The following MEMO1 variants were observed in gnomAD, a reference collection of about 807,000 sequenced individuals.
MEMO1 encodes protein MEMO1.
In MEMO1, 6 loss-of-function variants were observed where a neutral mutation model predicts 45.2. The ratio of observed to expected loss-of-function variants is 0.13; its 90% CI spans 0.07 to 0.26. The LOEUF is 0.26. Among genes scored for constraint, MEMO1 ranks in the 10% least tolerant of loss-of-function variants. MEMO1 has a pLI of 1.00. For missense variants in MEMO1, 184 were observed against 370.5 expected (o/e 0.50, Z 4.13); for synonymous variants, 78 against 124.3 (o/e 0.63, Z 2.48).
intron 2 of MEMO1, among the ~76,000 whole-genome samples, chr2:31,966,059 A>AT (rs1668579034): frequency 6.6e-6 from 1 of 152,228 alleles, no homozygotes; most frequent in African/African-American, 2.4e-5. Flanking sequence ...TATTAAACAT[A>AT]TGTTTGCTAA....
At chr2:31,930,951 GC>G (rs1231722326) in intron 4 of MEMO1, among the ~76,000 whole-genome samples, 7 of 151,722 alleles carry the variant, frequency 4.6e-5, no homozygotes, top group South Asian at 2.1e-4. Context: ...TAGCCACCAG[GC>G]CCAGACTAAA....
At chr2:31,883,184 TCAAA>T (rs2147942437) in intron 8 of MEMO1, among the ~76,000 whole-genome samples, 198 bp downstream of exon 8, 1 of 152,232 alleles carries the variant, frequency 6.6e-6, no homozygotes, top group East Asian at 1.9e-4. Context: ...TTCTCATTAA[TCAAA>T]CAAAATTATG....
At chr2:32,007,838 C>T (rs1029223064) in intron 2 of MEMO1, among the ~76,000 whole-genome samples, 3 of 152,190 alleles carry the variant, frequency 2.0e-5, no homozygotes, top group Non-Finnish European at 4.4e-5. Context: ...GTTTACTTAT[C>T]TGTAGTTGCA....
chr2:31,923,550 G>T (rs17011697), intron 4 of MEMO1: 140,273 of 1,322,024 alleles, frequency 0.11, 7,946 homozygotes, highest in Middle Eastern at 0.19. Context: ...ATGACACTTT[G>T]TTTTAAATTA....
At chr2:31,887,186 T>C (rs1261147277) in intron 7 of MEMO1, among the ~76,000 whole-genome samples, 1 of 152,186 alleles carries the variant, frequency 6.6e-6, no homozygotes, top group Non-Finnish European at 1.5e-5. Context: ...GCTCCAGGGA[T>C]GTCTGTTTAA....
chr2:31,924,955 A>G (rs1682860475), intron 4 of MEMO1, among the ~76,000 whole-genome samples: 1 of 152,194 alleles, frequency 6.6e-6, no homozygotes, highest in Non-Finnish European at 1.5e-5. Flanking sequence ...TCCTTGCTTA[A>G]AGCCTTTTAT....
intron 2 of MEMO1, among the ~76,000 whole-genome samples, chr2:31,986,306 G>A (rs1348455153): frequency 6.6e-6 from 1 of 151,676 alleles, no homozygotes; most frequent in Non-Finnish European, 1.5e-5. Context: ...GGCTGAGACA[G>A]AATACAAACA....
At chr2:31,933,399 G>T (rs1213905194) in intron 3 of MEMO1, among the ~76,000 whole-genome samples, 1 of 112,548 alleles carries the variant, frequency 8.9e-6, no homozygotes, top group Non-Finnish European at 1.7e-5. Context: ...GGGAAGAGAG[G>T]GGAAAAAGAG....
chr2:32,005,388 C>A (rs972091461), intron 2 of MEMO1, among the ~76,000 whole-genome samples: 1 of 104,050 alleles, frequency 9.6e-6, no homozygotes, highest in Non-Finnish European at 2.0e-5. Flanking sequence ...AATTGGAAAA[C>A]AGACAAAATT....
chr2:31,978,889 T>C (rs1350523479), intron 2 of MEMO1, among the ~76,000 whole-genome samples: 2 of 152,222 alleles, frequency 1.3e-5, no homozygotes, highest in African/African-American at 4.8e-5. Context: ...CAAAATTTTT[T>C]TCATAAGGCA....
chr2:31,952,744 T>C (rs1374311739), intron 2 of MEMO1, among the ~76,000 whole-genome samples: 1 of 152,228 alleles, frequency 6.6e-6, no homozygotes, highest in Admixed American at 6.5e-5. Context: ...GCATGCTCAG[T>C]ACAGAAAATT....
intron 2 of MEMO1, among the ~76,000 whole-genome samples, chr2:31,997,688 A>G (rs1344860669): frequency 6.6e-6 from 1 of 152,242 alleles, no homozygotes; most frequent in Non-Finnish European, 1.5e-5. Flanking sequence ...AATGTGGTGA[A>G]AGGAAAAATG....
chr2:31,893,160 A>G (rs980448185), intron 6 of MEMO1: 6 of 190,644 alleles, frequency 3.1e-5, no homozygotes, highest in Admixed American at 6.5e-5. Context: ...CTAAGTTTAA[A>G]TAATCCCCAA....
At chr2:31,963,112 TCTAA>T in intron 2 of MEMO1, 2 of 1,460,086 alleles carry the variant, frequency 1.4e-6, no homozygotes, top group Non-Finnish European at 1.8e-6. Context: ...ATCCTCAGTC[TCTAA>T]CTACACCATT....
chr2:32,002,296 T>C (rs1558570479), intron 2 of MEMO1, among the ~76,000 whole-genome samples: 1 of 146,934 alleles, frequency 6.8e-6, no homozygotes, highest in Non-Finnish European at 1.5e-5. Context: ...TATATACATA[T>C]ACATATACAT....
At chr2:31,884,007 CA>C (rs1483164764) in intron 7 of MEMO1, among the ~76,000 whole-genome samples, 1 of 151,202 alleles carries the variant, frequency 6.6e-6, no homozygotes, top group Non-Finnish European at 1.5e-5. Flanking sequence ...GGAAAAGGAT[CA>C]ATACAAGTGC....
chr2:31,948,817 T>C (rs541756483), intron 2 of MEMO1, among the ~76,000 whole-genome samples: 3 of 152,344 alleles, frequency 2.0e-5, no homozygotes, highest in African/African-American at 7.2e-5. Flanking sequence ...GATTTTGAGA[T>C]AATCTAAATC....
intron 3 of MEMO1, 91 bp downstream of exon 3, chr2:31,943,211 G>A (rs1196457341): frequency 2.1e-6 from 2 of 949,380 alleles, no homozygotes; most frequent in Non-Finnish European, 3.4e-6. Context: ...GTTGCAGTGA[G>A]CCGAGACCAT....
Position 32,001,286 on chromosome 2 carries a change from G to A in MEMO1, c.61+8901C>T, listed in dbSNP as rs189849358. Among the ~76,000 whole-genome samples the A allele has an allele frequency of 9.7e-3, 1,474 of 151,532 alleles. 25 individuals carry two copies. Among genetic ancestry groups the A allele is most frequent in the South Asian group, 0.048 (229 of 4,802 alleles). ...GATCTCCTGACCTCGTGATCCGCCC[G>A]CCTCGGCCTCCCAAAGTGCTGGGAT... is the stretch of plus-strand genomic sequence containing the variant. On this transcript the variant is annotated intron_variant, in intron 2 of 9. Transcript: ENST00000404530.
Sources: gnomAD v4.1 joint callset for allele counts (sites outside exome capture counted in the v4.1 genomes callset) on GRCh38, gnomAD v4.1.1 for gene constraint, MANE v1.5 for transcripts, NCBI Gene and HGNC (gene_info 2026-07-23, HGNC 2026-07-21) for gene names.